HELQ: variants seen among roughly 807,000 people sequenced by gnomAD.
HELQ encodes helicase, POLQ like.
In HELQ, 77 loss-of-function variants were observed where a neutral mutation model predicts 111.6. That is an observed-to-expected ratio of 0.69 (90% CI 0.57 to 0.83). The LOEUF (loss-of-function observed/expected upper bound fraction) is 0.83. Ranked by LOEUF, HELQ falls within the 40% of genes least tolerant of loss-of-function variation. HELQ has a pLI of 0.00. For synonymous variants in HELQ, 438 were observed against 454.7 expected, an observed-to-expected ratio of 0.96 and a Z score of 0.47; for missense variants, 1,200 against 1,288.5, an observed-to-expected ratio of 0.93 and a Z score of 1.05.
rs1181726980 is a variant in HELQ at position 83,407,403 on chromosome 4, C to T, written c.*50G>A. 1.8e-6 allele frequency: 2 copies of T among 1,118,638 alleles called. No individual in the cohort carries two copies. Among genetic ancestry groups the T allele is most frequent in the Non-Finnish European group, 2.6e-6 (2 of 772,926 alleles). The allele number at this position is 1,118,638 out of a possible 1,614,324, so 69.3% of individuals were successfully genotyped here. A position where few individuals can be genotyped will look rare whatever the true frequency, so the allele number is the denominator to read the frequency against. ...ATAAAGTATAAGTTATCTTTAATAA[C>T]ACACATGTACAATAAATAATTCATA... is the stretch of plus-strand genomic sequence containing the variant. On this transcript the variant is annotated 3_prime_UTR_variant, in exon 18 of 18. Transcript: ENST00000295488.
intron 14 of HELQ, among the ~76,000 whole-genome samples, chr4:83,422,865 A>G (rs1188181794): frequency 1.3e-5 from 2 of 152,224 alleles, no homozygotes; most frequent in Admixed American, 1.3e-4. Context: ...AGACAAATGT[A>G]CTTTAGATAA....
chr4:83,419,550 TCTTAGGATTAG>T (rs1303129477), intron 15 of HELQ, among the ~76,000 whole-genome samples: 3 of 147,818 alleles, frequency 2.0e-5, no homozygotes, highest in African/African-American at 7.5e-5. Context: ...GCTAGATTTT[TCTTAGGATTAG>T]TCATCAAATT....
At chr4:83,441,450 C>G (rs1175787923) in intron 6 of HELQ, 47 bp from the exon 7 acceptor site, 1 of 879,322 alleles carries the variant, frequency 1.1e-6, no homozygotes, top group Admixed American at 2.4e-5. Flanking sequence ...ATAAATTCAT[C>G]TTTCCAGTGT....
chr4:83,434,475 T>A (rs1720339888), intron 9 of HELQ, among the ~76,000 whole-genome samples: 1 of 152,128 alleles, frequency 6.6e-6, no homozygotes, highest in South Asian at 2.1e-4. Context: ...AAACTCATTT[T>A]TTTTTTTGAG....
chr4:83,411,868 C>T (rs1432576790), intron 17 of HELQ, among the ~76,000 whole-genome samples: 5 of 152,034 alleles, frequency 3.3e-5, no homozygotes, highest in Admixed American at 3.3e-4. Context: ...ACCTCAAACT[C>T]CTGGCCTTAA....
rs1721765831 is a variant in HELQ at position 83,455,816 on chromosome 4, T to C, written c.-123A>G. The C allele has an allele frequency of 1.0e-6, 1 of 997,304 alleles. No homozygotes were observed. Among genetic ancestry groups the C allele is most frequent in the Admixed American group, 2.2e-5 (1 of 44,986 alleles). The allele number at this position is 997,304 out of a possible 1,614,324, so 61.8% of individuals were successfully genotyped here. A position where few individuals can be genotyped will look rare whatever the true frequency, so the allele number is the denominator to read the frequency against. On this transcript the variant is annotated 5_prime_UTR_variant, in exon 1 of 18. Transcript: ENST00000295488. ...TCCACCTTGGGAAAAGACCCCAAGTTAGCTCTCAGGGCTCGCGGACCGGAA... is the reference window on the plus strand; with the variant it reads ...TCCACCTTGGGAAAAGACCCCAAGTCAGCTCTCAGGGCTCGCGGACCGGAA...
chr4:83,455,813 A>G lies in HELQ; in HGVS notation c.-120T>C. ...ACATCCACCTTGGGAAAAGACCCCAAGTTAGCTCTCAGGGCTCGCGGACCG... is the reference window on the plus strand; with the variant it reads ...ACATCCACCTTGGGAAAAGACCCCAGGTTAGCTCTCAGGGCTCGCGGACCG... On this transcript the variant is annotated 5_prime_UTR_variant, in exon 1 of 18. Coordinates refer to ENST00000295488, the MANE Select transcript of HELQ (RefSeq NM_133636.5). 4.9e-6 allele frequency: 5 copies of G among 1,030,212 alleles called. No individual in the cohort carries two copies. The highest frequency in any genetic ancestry group is 7.2e-6 in the Non-Finnish European group (5 of 698,984). The allele number at this position is 1,030,212 out of a possible 1,614,324, so 63.8% of individuals were successfully genotyped here.
At chr4:83,443,692 T>C (rs1222257754) in intron 5 of HELQ, 78 bp from the exon 6 acceptor site, 2 of 559,942 alleles carry the variant, frequency 3.6e-6, no homozygotes, top group Non-Finnish European at 6.2e-6. Flanking sequence ...TTTTAGCAAG[T>C]CTTTTGTGCT....
intron 17 of HELQ, among the ~76,000 whole-genome samples, chr4:83,414,492 C>T (rs948179781): frequency 6.6e-6 from 1 of 152,134 alleles, no homozygotes; most frequent in Non-Finnish European, 1.5e-5. Context: ...TAGATGCTGA[C>T]AGACACAGCC....
In HELQ at chr4:83,407,358, T is replaced by C. The variant is rs981160599; in HGVS notation, c.*95A>G. 4.1e-6 allele frequency: 3 copies of C among 729,454 alleles called. No individual in the cohort carries two copies. Among genetic ancestry groups the C allele is most frequent in the African/African-American group, 3.7e-5 (2 of 54,356 alleles). The allele number at this position is 729,454 out of a possible 1,614,324, so 45.2% of individuals were successfully genotyped here. On this transcript the variant is annotated 3_prime_UTR_variant, in exon 18 of 18. Transcript: ENST00000295488. ...TTATTCGTAGTTCTTAATGTATAAC[T>C]GAAATGTATTTTTTCATTTATAAAG...
rs1456538361 is a variant in HELQ at position 83,416,986 on chromosome 4, T to C, written c.3064-121A>G. On this transcript the variant is annotated intron_variant, in intron 16 of 17. Coordinates refer to ENST00000295488, the MANE Select transcript of HELQ (RefSeq NM_133636.5). Reference sequence around the variant, plus strand: ...AGACTGGGATAAAATAAAGTAAATATGAAGAGACAAGACATGAGAATACTG... The same window carrying C: ...AGACTGGGATAAAATAAAGTAAATACGAAGAGACAAGACATGAGAATACTG... 3.5e-6 allele frequency: 3 copies of C among 849,364 alleles called. No homozygotes were observed. In the African/African-American group the frequency reaches 5.2e-5, roughly 15 times the overall value. The allele number at this position is 849,364 out of a possible 1,614,324, so 52.6% of individuals were successfully genotyped here. A position where few individuals can be genotyped will look rare whatever the true frequency, so the allele number is the denominator to read the frequency against.
chr4:83,447,715 C>T (rs989385050), intron 3 of HELQ, among the ~76,000 whole-genome samples: 2 of 151,672 alleles, frequency 1.3e-5, no homozygotes, highest in Non-Finnish European at 1.5e-5. Flanking sequence ...AAAAATTAGC[C>T]GGGCGTGGTG....
Position 83,455,471 on chromosome 4 carries a change from G to A in HELQ, c.223C>T (p.Leu75Phe). 1 of 1,614,150 alleles carries A rather than the reference G, an allele frequency of 6.2e-7. No homozygotes were observed. Among genetic ancestry groups the A allele is most frequent in the Non-Finnish European group, 8.5e-7 (1 of 1,180,030 alleles). Reference protein sequence around the residue: ...PLLLSDSPECLVLGGGDTNPD... With the variant: ...PLLLSDSPECFVLGGGDTNPD... ...TTTGTATCACCACCTCCAAGGACGAGACATTCCGGGGAATCTGAGAGTAGA... is the reference window on the plus strand; with the variant it reads ...TTTGTATCACCACCTCCAAGGACGAAACATTCCGGGGAATCTGAGAGTAGA... The change falls in exon 1 of 18, where the codon CTC (leucine) becomes TTC (phenylalanine). Residue 75 changes from leucine (L) to phenylalanine (F), a missense_variant. Around this residue, in one of 3 missense-constraint regions of HELQ, gnomAD observed 610 missense variants for 607.1 expected, o/e 1.00. Coordinates refer to ENST00000295488, the MANE Select transcript of HELQ (RefSeq NM_133636.5).
chr4:83,420,743 C>T (rs1739635410), intron 15 of HELQ, among the ~76,000 whole-genome samples: 1 of 152,020 alleles, frequency 6.6e-6, no homozygotes, highest in Non-Finnish European at 1.5e-5. Flanking sequence ...TAAGATTGCG[C>T]CACTGTACTC....
chr4:83,446,771 T>C, intron 4 of HELQ, 64 bp downstream of exon 4: 1 of 1,001,490 alleles, frequency 1.0e-6, no homozygotes, highest in Non-Finnish European at 1.5e-6. Context: ...ATCCACACAA[T>C]AACCAGAATA....
At chr4:83,442,587 T>G (rs562334060) in intron 6 of HELQ, among the ~76,000 whole-genome samples, 14 of 151,926 alleles carry the variant, frequency 9.2e-5, no homozygotes, top group African/African-American at 3.1e-4. Flanking sequence ...AATTTTTGTA[T>G]TTTTTAGTAG....
chr4:83,421,641 A>C lies in HELQ; in HGVS notation c.2871T>G (p.Phe957Leu). ...TTTGTATATATCCTCGAGGCATATT[A>C]AATTTTTCAGATACAGTCCAAATGT... ...ETNIWTVSEK[F>L]NMPRGYIQNL... Residue 957 changes from phenylalanine to leucine, a missense_variant, in exon 15 of 18, where the codon TTT (phenylalanine) becomes TTG (leucine). Around this residue, in one of 3 missense-constraint regions of HELQ, gnomAD observed 585 missense variants for 665.3 expected, o/e 0.88. Coordinates refer to ENST00000295488, the MANE Select transcript of HELQ (RefSeq NM_133636.5). 1 of 1,613,460 alleles carries C rather than the reference A, an allele frequency of 6.2e-7. No homozygotes were observed. The highest frequency in any genetic ancestry group is 1.1e-5 in the South Asian group (1 of 91,066).
In HELQ at chr4:83,436,982, A is replaced by G. The variant is rs1216050216; in HGVS notation, c.1924T>C (p.Tyr642His). The change falls in exon 9 of 18, where the codon TAT becomes CAT. Residue 642 changes from tyrosine (Y) to histidine (H), a missense_variant. Coordinates refer to ENST00000295488, the MANE Select transcript of HELQ (RefSeq NM_133636.5). ...LKRTIPFGVA[Y>H]HHSGLTSDER... Reference sequence around the variant, plus strand: ...TCACTTGTTAAGCCACTGTGGTGATAGGCAACTCCAAATGGGATAGTGCGC... The same window carrying G: ...TCACTTGTTAAGCCACTGTGGTGATGGGCAACTCCAAATGGGATAGTGCGC... The G allele has an allele frequency of 9.3e-6, 15 of 1,614,182 alleles. No individual in the cohort carries two copies. Among genetic ancestry groups the G allele is most frequent in the Non-Finnish European group, 1.2e-5 (14 of 1,180,006 alleles).
chr4:83,439,201 A>G (rs957682333), intron 8 of HELQ, among the ~76,000 whole-genome samples: 2 of 148,638 alleles, frequency 1.3e-5, no homozygotes, highest in East Asian at 4.0e-4. Context: ...CCGAGTAGCT[A>G]GGACTACAGG....
Sources: gnomAD v4.1 joint callset for allele counts (sites outside exome capture counted in the v4.1 genomes callset) on GRCh38, gnomAD v4.1.1 for gene constraint, gnomAD v4.1.1 regional missense constraint, MANE v1.5 for transcripts, NCBI Gene and HGNC (gene_info 2026-07-23, HGNC 2026-07-21) for gene names.